Variants in ZNF280C observed in about 807,000 individuals in gnomAD.
ZNF280C encodes the protein zinc finger protein 280C, also known as suppressor of hairy wing homolog 3.
Under a neutral mutation model 53.6 loss-of-function variants are expected in ZNF280C, and 14 were observed. That is an observed-to-expected ratio of 0.26 (90% CI 0.17 to 0.41). ZNF280C has a LOEUF of 0.41. Ranked by LOEUF, ZNF280C falls within the 10% of genes least tolerant of loss-of-function variation. The probability of loss-of-function intolerance (pLI) is 1.00; values close to 1 mark genes in which losing one functional copy is unlikely to be tolerated. For synonymous variants in ZNF280C, 203 were observed against 181.1 expected, an observed-to-expected ratio of 1.12 and a Z score of -0.97; for missense variants, 416 against 547.1, an observed-to-expected ratio of 0.76 and a Z score of 2.39.
intron 12 of ZNF280C, 96 bp from the exon 13 acceptor site, chrX:130,220,576 C>T: frequency 2.3e-6 from 2 of 863,137 alleles, no homozygotes; most frequent in Non-Finnish European, 3.1e-6. Flanking sequence ...AAATTTACAA[C>T]CAGAATTTTA....
Position 130,216,095 on chromosome X carries a change from T to G in ZNF280C, c.1534A>C (p.Ile512Leu), listed in dbSNP as rs1176044510. 5.0e-6 allele frequency: 6 copies of G among 1,195,311 alleles called. No homozygotes were observed. In the Admixed American group the frequency reaches 1.4e-4, roughly 27 times the overall value. ...EGLPPGAKVT[I>L]RASLGPLQSK... The stretch of plus-strand genomic sequence containing the variant: ...TGGAGAGGTCCAAGTGAAGCTCGAA[T>G]AGTAACCTATAAAAACAAAGCCAAT... Residue 512 changes from isoleucine (I) to leucine (L), a missense_variant, in exon 14 of 19, where the codon ATT (isoleucine) becomes CTT (leucine). Physicochemically the swap from Ile to Leu is conservative, Grantham distance 5. Coordinates refer to ENST00000370978, the MANE Select transcript of ZNF280C (RefSeq NM_017666.5).
rs1400795794 is a variant in ZNF280C at position 130,203,182 on chromosome X, G to C, written c.*1795C>G. 1 of 111,058 alleles carries C rather than the reference G, an allele frequency of 9.0e-6. No homozygotes were observed. Among genetic ancestry groups the C allele is most frequent in the Non-Finnish European group, 1.9e-5 (1 of 53,018 alleles). The allele number at this position is 111,058 out of a possible 1,213,427, so 9.2% of individuals were successfully genotyped here. A position where few individuals can be genotyped will look rare whatever the true frequency, so the allele number is the denominator to read the frequency against. On this transcript the variant is annotated 3_prime_UTR_variant, in exon 19 of 19. Transcript: ENST00000370978. The stretch of plus-strand genomic sequence containing the variant: ...GTAGACAATTCTAAGAAATGTCTTG[G>C]AGTTTGTAATAAGAACAAAACAAAC...
Position 130,204,957 on chromosome X carries a change from G to A in ZNF280C, c.*20C>T. ...CAACTTGTCTTGCACCAGGTTGCAT[G>A]AACTCCATGGAGCAGGAATCTATTT... On this transcript the variant is annotated 3_prime_UTR_variant, in exon 19 of 19. Coordinates refer to ENST00000370978, the MANE Select transcript of ZNF280C (RefSeq NM_017666.5). 1 of 1,061,318 alleles carries A rather than the reference G, an allele frequency of 9.4e-7. No homozygotes were observed. The allele number at this position is 1,061,318 out of a possible 1,213,427, so 87.5% of individuals were successfully genotyped here. A position where few individuals can be genotyped will look rare whatever the true frequency, so the allele number is the denominator to read the frequency against.
At chrX:130,263,239 CAAAA>C (rs2032649951) in intron 1 of ZNF280C, among the ~76,000 whole-genome samples, 1 of 112,243 alleles carries the variant, frequency 8.9e-6, no homozygotes, top group South Asian at 3.7e-4. Flanking sequence ...TATGTCCACA[CAAAA>C]ATTTGCACAC....
chrX:130,224,335 T>C lies in ZNF280C; in HGVS notation c.1395+2424A>G, dbSNP rs192424892. 2.7e-5 allele frequency among the ~76,000 whole-genome samples: 3 copies of C among 111,492 alleles called. No homozygotes were observed. In the Admixed American group the frequency reaches 2.9e-4, roughly 11 times the overall value. On this transcript the variant is annotated intron_variant, in intron 12 of 18. Transcript: ENST00000370978. ...TGCCCTGATCTTGGACTTTACAGCC[T>C]CCATAACAGAGAGAAATAAGTGCTT...
chrX:130,250,658 A>T (rs2032497259), intron 2 of ZNF280C, among the ~76,000 whole-genome samples: 1 of 112,257 alleles, frequency 8.9e-6, no homozygotes, highest in East Asian at 2.8e-4. Flanking sequence ...AATCAAAAAA[A>T]GGTGAGAACC....
At chrX:130,218,420 T>C (rs2032127275) in intron 13 of ZNF280C, among the ~76,000 whole-genome samples, 1 of 111,852 alleles carries the variant, frequency 8.9e-6, no homozygotes, top group South Asian at 3.7e-4. Flanking sequence ...ATTTCCTTAA[T>C]GGTAACATAT....
chrX:130,218,022 C>T (rs185190758), intron 13 of ZNF280C, among the ~76,000 whole-genome samples: 2 of 111,119 alleles, frequency 1.8e-5, no homozygotes, highest in East Asian at 2.8e-4. Context: ...ATTAGCTGGG[C>T]ATGGTGACAT....
chrX:130,246,726 A>T, intron 3 of ZNF280C, 133 bp downstream of exon 3: 1 of 749,132 alleles, frequency 1.3e-6, no homozygotes, highest in Non-Finnish European at 1.9e-6. Context: ...ACAAGTTCTT[A>T]CTGACCTTTA....
chrX:130,226,789 G>A lies in ZNF280C; in HGVS notation c.1365C>T (p.Thr455=). ...PFCLKVSKMA[T]PYMNHYMKHQ... ...GCTTCATGTAATGATTCATGTAGGG[G>A]GTTGCCATTTTACTAACTTTGAGGC... is the stretch of plus-strand genomic sequence containing the variant. The change falls in exon 12 of 19, where the codon ACC becomes ACT. Residue 455 remains threonine, a synonymous_variant. Coordinates refer to ENST00000370978, the MANE Select transcript of ZNF280C (RefSeq NM_017666.5). 8.3e-7 allele frequency: 1 copy of A among 1,210,134 alleles called. No individual in the cohort carries two copies. The highest frequency in any genetic ancestry group is 1.1e-6 in the Non-Finnish European group (1 of 894,686).
At chrX:130,251,983 G>A (rs371559176) in intron 2 of ZNF280C, among the ~76,000 whole-genome samples, 1 of 110,904 alleles carries the variant, frequency 9.0e-6, no homozygotes, top group Non-Finnish European at 1.9e-5. Context: ...GCATGATGGC[G>A]CACACCTGTA....
intron 15 of ZNF280C, among the ~76,000 whole-genome samples, chrX:130,213,916 A>G (rs749941673): frequency 1.8e-5 from 2 of 112,161 alleles, no homozygotes; most frequent in Non-Finnish European, 3.8e-5. Context: ...AAAATAATAT[A>G]GAGGTCTTGT....
At chrX:130,266,874 G>A (rs1475456313) in intron 1 of ZNF280C, among the ~76,000 whole-genome samples, 1 of 111,388 alleles carries the variant, frequency 9.0e-6, no homozygotes, top group Admixed American at 9.5e-5. Flanking sequence ...AGGCCGAGGT[G>A]GGTGGATCAC....
At chrX:130,208,375 C>T (rs1161354604) in intron 16 of ZNF280C, among the ~76,000 whole-genome samples, 2 of 111,516 alleles carry the variant, frequency 1.8e-5, no homozygotes, top group South Asian at 3.7e-4. Context: ...AGTGATCCAC[C>T]CGCCTTGGCC....
rs758892966 is a variant in ZNF280C at position 130,205,356 on chromosome X, C to A, written c.2102G>T (p.Arg701Leu). ...DFLADSSGLD[R>L]MAKHLSQRKT... Reference sequence around the variant, plus strand: ...ACGTTGACTTAAGTGTTTAGCCATACGATCTAAGCCGGAAGAATCAGCTAG... The same window carrying A: ...ACGTTGACTTAAGTGTTTAGCCATAAGATCTAAGCCGGAAGAATCAGCTAG... The change falls in exon 17 of 19, where the codon CGT becomes CTT. Residue 701 changes from arginine to leucine, a missense_variant. Physicochemically the swap from Arg to Leu is moderately radical, Grantham distance 102. Transcript: ENST00000370978. 8.3e-7 allele frequency: 1 copy of A among 1,208,187 alleles called. No individual in the cohort carries two copies. The highest frequency in any genetic ancestry group is 1.8e-5 in the South Asian group (1 of 56,378).
In ZNF280C at chrX:130,208,119, C is replaced by T. The variant is rs774391524; in HGVS notation, c.2042+1534G>A. Among the ~76,000 whole-genome samples the T allele has an allele frequency of 4.5e-5, 5 of 111,832 alleles. No individual in the cohort carries two copies. In the South Asian group the frequency reaches 1.9e-3, roughly 42 times the overall value. ...TTTATAGAAATACAAAATGCTATGT[C>T]CATACACAGATTTTTTTAAAAAAAT... On this transcript the variant is annotated intron_variant, in intron 16 of 18. Transcript: ENST00000370978.
At chrX:130,215,380 A>G (rs191084736) in intron 14 of ZNF280C, 47 bp from the exon 15 acceptor site, 1 of 1,064,994 alleles carries the variant, frequency 9.4e-7, no homozygotes, top group Admixed American at 3.2e-5. Context: ...TAAAACAAAA[A>G]TAACAGGGGA....
chrX:130,261,097 T>G (rs1569441440), intron 1 of ZNF280C, among the ~76,000 whole-genome samples: 1 of 112,286 alleles, frequency 8.9e-6, no homozygotes, highest in Non-Finnish European at 1.9e-5. Context: ...ATAAAGTAAC[T>G]GTTCATTGCC....
At chrX:130,236,875 C>T (rs1036828402) in intron 6 of ZNF280C, among the ~76,000 whole-genome samples, 10 of 110,982 alleles carry the variant, frequency 9.0e-5, no homozygotes, top group Admixed American at 3.9e-4. Context: ...AACTACATAT[C>T]TTTACTTCAC....
Sources: gnomAD v4.1 joint callset for allele counts (sites outside exome capture counted in the v4.1 genomes callset) on GRCh38, gnomAD v4.1.1 for gene constraint, MANE v1.5 for transcripts, NCBI Gene and HGNC (gene_info 2026-07-23, HGNC 2026-07-21) for gene names.